Variants in TIMP2 observed in about 807,000 individuals in gnomAD.
TIMP2 encodes metalloproteinase inhibitor 2.
Under a neutral mutation model 24.3 loss-of-function variants are expected in TIMP2, and 5 were observed. That is an observed-to-expected ratio of 0.21 (90% CI 0.11 to 0.43). The LOEUF (loss-of-function observed/expected upper bound fraction) is 0.43. Among genes scored for constraint, TIMP2 ranks in the 20% least tolerant of loss-of-function variants. The probability of loss-of-function intolerance (pLI) is 1.00; values close to 1 mark genes in which losing one functional copy is unlikely to be tolerated. For synonymous variants in TIMP2, 130 were observed against 123.2 expected (o/e 1.06, Z -0.37); for missense variants, 221 against 297.5 (o/e 0.74, Z 1.89).
At chr17:78,875,526 G>A (rs2069720991) in intron 1 of TIMP2, among the ~76,000 whole-genome samples, 1 of 152,154 alleles carries the variant, frequency 6.6e-6, no homozygotes, top group Admixed American at 6.5e-5. Context: ...GGGCAGGGTT[G>A]GGTAGAGCCC....
In TIMP2 at chr17:78,891,900, C is replaced by T; in HGVS notation, c.131-17981G>A. ...GTGGCTTTTGTAGTCTGTGGTTTCT[C>T]TGGACTCGCTGCTGTCTTCCGGGGC... On this transcript the variant is annotated intron_variant, in intron 1 of 4. Transcript: ENST00000262768. The surrounding 1 kb of genome is among the most constrained non-coding windows in gnomAD (Gnocchi z 4.5). 6.4e-7 allele frequency: 1 copy of T among 1,550,608 alleles called. No individual in the cohort carries two copies. Among genetic ancestry groups the T allele is most frequent in the South Asian group, 1.2e-5 (1 of 84,064 alleles).
At chr17:78,882,608 T>G (rs565579210) in intron 1 of TIMP2, among the ~76,000 whole-genome samples, 118 of 152,344 alleles carry the variant, frequency 7.7e-4, no homozygotes, top group African/African-American at 2.8e-3. Context: ...ACCTCCTTCT[T>G]TTAGCAGGAT....
chr17:78,873,963 C>G, intron 1 of TIMP2, 44 bp from the exon 2 acceptor site: 1 of 1,574,776 alleles, frequency 6.4e-7, no homozygotes, highest in Non-Finnish European at 8.7e-7. Context: ...TCCTGAAACA[C>G]GCTCCTGGGG....
intron 1 of TIMP2, among the ~76,000 whole-genome samples, chr17:78,877,433 C>A (rs2069737218): frequency 1.3e-5 from 2 of 152,002 alleles, no homozygotes; most frequent in African/African-American, 4.8e-5. Flanking sequence ...ACAAAAATCC[C>A]AGCCACTTGG....
chr17:78,882,267 C>T (rs543172209), intron 1 of TIMP2, among the ~76,000 whole-genome samples: 138 of 152,342 alleles, frequency 9.1e-4, no homozygotes, highest in Non-Finnish European at 1.6e-3. Context: ...CCACCTGGCC[C>T]GGCCTGACCA....
At chr17:78,874,885 C>A (rs2069716432) in intron 1 of TIMP2, among the ~76,000 whole-genome samples, 1 of 152,132 alleles carries the variant, frequency 6.6e-6, no homozygotes, top group South Asian at 2.1e-4. Flanking sequence ...TGATTATAGG[C>A]AGCTGCCACC....
intron 1 of TIMP2, among the ~76,000 whole-genome samples, chr17:78,895,071 A>G (rs1394415979): frequency 6.6e-6 from 1 of 152,186 alleles, no homozygotes. Flanking sequence ...ACTTGAGGTC[A>G]GGAGTTCGAA....
intron 1 of TIMP2, among the ~76,000 whole-genome samples, chr17:78,893,429 AGGGGTGTGTGCGTGGGGCTGTGTGTGC>A (rs2069947251): frequency 2.1e-5 from 1 of 47,190 alleles, no homozygotes; most frequent in African/African-American, 2.4e-4. Context: ...GTGTGTGTGC[AGGGGTGTGTGCGTGGGGCTGTGTGTGC>A]AGGGGTGTGT....
intron 1 of TIMP2, among the ~76,000 whole-genome samples, chr17:78,909,772 C>G (rs775005732): frequency 6.6e-6 from 1 of 152,170 alleles, no homozygotes; most frequent in Non-Finnish European, 1.5e-5. Context: ...GCTGGCACTC[C>G]TGGCTTTCTC....
At chr17:78,914,428 A>C (rs1599176866) in intron 1 of TIMP2, among the ~76,000 whole-genome samples, 1 of 150,898 alleles carries the variant, frequency 6.6e-6, no homozygotes, top group Non-Finnish European at 1.5e-5. Flanking sequence ...GATTACAGGC[A>C]CCCGCCACCA....
chr17:78,864,979 G>T (rs1372478634), intron 3 of TIMP2, among the ~76,000 whole-genome samples: 1 of 152,058 alleles, frequency 6.6e-6, no homozygotes, highest in African/African-American at 2.4e-5. Context: ...GCTTGAACCT[G>T]GGGGGCGGAA....
chr17:78,861,743 A>G (rs2069568774), intron 3 of TIMP2, among the ~76,000 whole-genome samples: 1 of 152,088 alleles, frequency 6.6e-6, no homozygotes, highest in Middle Eastern at 3.4e-3. Context: ...TTGGGATTAC[A>G]GGTATGCGCC....
rs1442455591 is a variant in TIMP2 at position 78,924,217 on chromosome 17, G to A, written c.130+742C>T. 6.6e-6 allele frequency among the ~76,000 whole-genome samples: 1 copy of A among 152,222 alleles called. No individual in the cohort carries two copies. On this transcript the variant is annotated intron_variant, in intron 1 of 4. Coordinates refer to ENST00000262768, the MANE Select transcript of TIMP2 (RefSeq NM_003255.5). The surrounding 1 kb of genome is among the most constrained non-coding windows in gnomAD (Gnocchi z 5.3). ...GTCCGGAGGTCATGGGTATTTGCTG[G>A]GGAATCTGAGCAGCAGCACAGTCCC...
Position 78,880,521 on chromosome 17 carries a change from T to C in TIMP2, c.131-6602A>G, listed in dbSNP as rs150183347. Among the ~76,000 whole-genome samples, 3 of 130,250 alleles carry C rather than the reference T, an allele frequency of 2.3e-5. No homozygotes were observed. In the East Asian group the frequency reaches 6.2e-4, roughly 27 times the overall value. The allele number at this position is 130,250 out of a possible 152,430, so 85.4% of individuals were successfully genotyped here. A position where few individuals can be genotyped will look rare whatever the true frequency, so the allele number is the denominator to read the frequency against. Reference sequence around the variant, plus strand: ...GAGCAACATAGCAATACCTCATCTATAAAAAACAAAATACAAAAAACAAAA... The same window carrying C: ...GAGCAACATAGCAATACCTCATCTACAAAAAACAAAATACAAAAAACAAAA... On this transcript the variant is annotated intron_variant, in intron 1 of 4. Coordinates refer to ENST00000262768, the MANE Select transcript of TIMP2 (RefSeq NM_003255.5).
chr17:78,854,921 C>CGGGGGG lies in TIMP2; in HGVS notation c.*740_*745dup, dbSNP rs71161632. 8 of 39,112 alleles carry CGGGGGG rather than the reference C, an allele frequency of 2.0e-4. No homozygotes were observed. Among genetic ancestry groups the CGGGGGG allele is most frequent in the Admixed American group, 5.6e-4 (2 of 3,594 alleles). The allele number at this position is 39,112 out of a possible 1,614,324, so 2.4% of individuals were successfully genotyped here. A position where few individuals can be genotyped will look rare whatever the true frequency, so the allele number is the denominator to read the frequency against. ...TCCTGCAAGCTGGGGAGCATGTGGG[C>CGGGGGG]GGGGGGGGGGGGGTGGGGGGGTGGG... On this transcript the variant is annotated 3_prime_UTR_variant, in exon 5 of 5. Coordinates refer to ENST00000262768, the MANE Select transcript of TIMP2 (RefSeq NM_003255.5).
intron 3 of TIMP2, among the ~76,000 whole-genome samples, chr17:78,867,659 G>C (rs1373238540): frequency 6.9e-6 from 1 of 145,214 alleles, no homozygotes. Context: ...GCAGTGGCAC[G>C]ATCTCGGCTC....
At chr17:78,913,191 C>G (rs1434156808) in intron 1 of TIMP2, among the ~76,000 whole-genome samples, 2 of 152,280 alleles carry the variant, frequency 1.3e-5, no homozygotes, top group South Asian at 4.1e-4. Flanking sequence ...TACAGGACCT[C>G]GCCATACCAA....
At chr17:78,882,368 G>C (rs2069787578) in intron 1 of TIMP2, among the ~76,000 whole-genome samples, 2 of 152,222 alleles carry the variant, frequency 1.3e-5, no homozygotes, top group South Asian at 4.1e-4. Flanking sequence ...GAAAAGGGAG[G>C]TGAAGCCCAC....
At chr17:78,919,940 G>A (rs927963268) in intron 1 of TIMP2, among the ~76,000 whole-genome samples, 1 of 152,152 alleles carries the variant, frequency 6.6e-6, no homozygotes, top group Non-Finnish European at 1.5e-5. Flanking sequence ...AGAGTGTCCA[G>A]GGCATGCACC....
Sources: gnomAD v4.1 joint callset for allele counts (sites outside exome capture counted in the v4.1 genomes callset) on GRCh38, gnomAD v4.1.1 for gene constraint, Gnocchi (gnomAD v3.1) non-coding constraint, MANE v1.5 for transcripts, NCBI Gene and HGNC (gene_info 2026-07-23, HGNC 2026-07-21) for gene names.